The following IRAK1 variants were observed in gnomAD, a reference collection of about 807,000 sequenced individuals.
IRAK1 encodes the protein interleukin-1 receptor-associated kinase 1.
In IRAK1, 9 loss-of-function variants were observed where a neutral mutation model predicts 49.8. That is an observed-to-expected ratio of 0.18 (90% CI 0.11 to 0.32). IRAK1 has a LOEUF of 0.32. Ranked by LOEUF, IRAK1 falls within the 10% of genes least tolerant of loss-of-function variation. IRAK1 has a pLI of 1.00. For synonymous variants in IRAK1, 282 were observed against 270.8 expected (o/e 1.04, Z -0.41); for missense variants, 418 against 600.5 (o/e 0.70, Z 3.18).
chrX:154,012,080 C>T (rs1380306545), intron 13 of IRAK1, among the ~76,000 whole-genome samples, 163 bp from the exon 14 acceptor site: 1 of 112,736 alleles, frequency 8.9e-6, no homozygotes, highest in African/African-American at 3.2e-5. Context: ...CAGGGTCTAA[C>T]TGTCTCCCAG....
In IRAK1 at chrX:154,019,591, C is replaced by G; in HGVS notation, c.144G>C (p.Leu48=). 1 of 1,093,538 alleles carries G rather than the reference C, an allele frequency of 9.1e-7. No homozygotes were observed. Among genetic ancestry groups the G allele is most frequent in the South Asian group, 2.3e-5 (1 of 43,445 alleles). 90.1% of individuals were successfully genotyped at this position (1,093,538 alleles called of 1,213,427 possible). ...GCAGCTCGGTCTGGTCGCGCACGATCAGGGCGGCTGCGGGGCGGGGGGCGT... is the reference window on the plus strand; with the variant it reads ...GCAGCTCGGTCTGGTCGCGCACGATGAGGGCGGCTGCGGGGCGGGGGGCGT... ...EPADWCQFAA[L]IVRDQTELRL... The change falls in exon 2 of 14, where the codon CTG becomes CTC. Residue 48 remains leucine (L), a synonymous_variant. Coordinates refer to ENST00000369980, the MANE Select transcript of IRAK1 (RefSeq NM_001569.4).
Position 154,011,844 on chromosome X carries a change from G to C in IRAK1, c.*15C>G, listed in dbSNP as rs1557127575. 8.3e-7 allele frequency: 1 copy of C among 1,205,581 alleles called. No homozygotes were observed. The highest frequency in any genetic ancestry group is 2.2e-5 in the Admixed American group (1 of 46,131). Reference sequence around the variant, plus strand: ...TTTGACTTCCGGATTTGGGGGATCTGCCCAGGTGAACACATCAGCTCTGAA... The same window carrying C: ...TTTGACTTCCGGATTTGGGGGATCTCCCCAGGTGAACACATCAGCTCTGAA... On this transcript the variant is annotated 3_prime_UTR_variant, in exon 14 of 14. Coordinates refer to ENST00000369980, the MANE Select transcript of IRAK1 (RefSeq NM_001569.4).
At position 154,019,670 on chromosome X, in the gene IRAK1, C is replaced by T; in HGVS notation, c.136+7G>A. 1.3e-5 allele frequency: 13 copies of T among 971,732 alleles called. 1 individual carries two copies. The highest frequency in any genetic ancestry group is 1.7e-5 in the Non-Finnish European group (13 of 776,479). The allele number at this position is 971,732 out of a possible 1,213,427, so 80.1% of individuals were successfully genotyped here. ...CTCCCGCCCCCCGGCAGCCCGCCGC[C>T]ACCCACCGAACTGGCACCAGTCGGC... On this transcript the variant is annotated splice_region_variant and intron_variant, in intron 1 of 13. Coordinates refer to ENST00000369980, the MANE Select transcript of IRAK1 (RefSeq NM_001569.4).
chrX:154,017,036 T>C lies in IRAK1; in HGVS notation c.941A>G (p.Gln314Arg). The C allele has an allele frequency of 1.7e-6, 2 of 1,209,831 alleles. No homozygotes were observed. The highest frequency in any genetic ancestry group is 2.2e-6 in the Non-Finnish European group (2 of 893,627). The change falls in exon 8 of 14, where the codon CAG becomes CGG. Residue 314 changes from glutamine (Q) to arginine (R), a missense_variant. Coordinates refer to ENST00000369980, the MANE Select transcript of IRAK1 (RefSeq NM_001569.4). ...TQACPPLSWP[Q>R]RLDILLGTAR... ...TGTACCCAGAAGGATGTCCAGTCGCTGAGGCCAGGAGAGAGGTGGGCAGGC... is the reference window on the plus strand; with the variant it reads ...TGTACCCAGAAGGATGTCCAGTCGCCGAGGCCAGGAGAGAGGTGGGCAGGC...
At chrX:154,018,904 C>T in intron 4 of IRAK1, 71 bp downstream of exon 4, 1 of 965,387 alleles carries the variant, frequency 1.0e-6, no homozygotes, top group Non-Finnish European at 1.4e-6. Flanking sequence ...GACTGGGGCT[C>T]TGCGCTACAT....
rs782759071 is a variant in IRAK1 at position 154,012,545 on chromosome X, C to T, written c.2064G>A (p.Ser688=). 11 of 1,208,754 alleles carry T rather than the reference C, an allele frequency of 9.1e-6. No individual in the cohort carries two copies. Among genetic ancestry groups the T allele is most frequent in the African/African-American group, 7.0e-5 (4 of 57,543 alleles). ...CGGCAGCACCTGGGAGGGAGCTGGA[C>T]GACAGCAGCTGCAGGCTGTCCAGGG... The part of the protein sequence containing the change: ...DGALDSLQLL[S]SSSLPGLGLE... Residue 688 remains serine, a synonymous_variant, in exon 13 of 14, where the codon TCG becomes TCA. Transcript: ENST00000369980.
chrX:154,016,814 C>A, intron 8 of IRAK1, 135 bp downstream of exon 8: 1 of 620,323 alleles, frequency 1.6e-6, no homozygotes. Context: ...TAGGGCCCAT[C>A]CTTGGCCCGT....
At chrX:154,018,898 G>T in intron 4 of IRAK1, 77 bp downstream of exon 4, 1 of 928,622 alleles carries the variant, frequency 1.1e-6, no homozygotes, top group Non-Finnish European at 1.5e-6. Context: ...TTGGCTGACT[G>T]GGGCTCTGCG....
rs371156981 is a variant in IRAK1 at position 154,018,036 on chromosome X, G to A, written c.879C>T (p.Asn293=). 6 of 1,207,849 alleles carry A rather than the reference G, an allele frequency of 5.0e-6. No homozygotes were observed. In the African/African-American group the frequency reaches 5.2e-5, roughly 11 times the overall value. Residue 293 remains asparagine, a synonymous_variant, in exon 7 of 14, where the codon AAC becomes AAT. Transcript: ENST00000369980. ...FYCLVYGFLP[N]GSLEDRLHCQ... ...AGTGGAGACGGTCCTCCAGGGAGCC[G>A]TTGGGCAGGAAGCCGTACACCAGGC...
In IRAK1 at chrX:154,013,999, G is replaced by A. The variant is rs782361996; in HGVS notation, c.1539+43C>T. 19 of 1,182,651 alleles carry A rather than the reference G, an allele frequency of 1.6e-5. No individual in the cohort carries two copies. In the South Asian group the frequency reaches 3.2e-4, roughly 20 times the overall value. ...ACTACAGAGCAAGGCCTGGAATGCG[G>A]GCTTTCTATCTGGCCACCCCGTCCC... On this transcript the variant is annotated intron_variant, in intron 11 of 13. Coordinates refer to ENST00000369980, the MANE Select transcript of IRAK1 (RefSeq NM_001569.4).
At position 154,019,004 on chromosome X, in the gene IRAK1, G is replaced by A. The variant is rs1557130559; in HGVS notation, c.511C>T (p.Pro171Ser). 1.7e-6 allele frequency: 2 copies of A among 1,206,382 alleles called. No individual in the cohort carries two copies. The highest frequency in any genetic ancestry group is 1.8e-5 in the South Asian group (1 of 56,096). ...GTAGAAGAAGGGGCTGGAGATGGCGGTGGAGGCCACAGGGAAGCAGGGCTT... is the reference window on the plus strand; with the variant it reads ...GTAGAAGAAGGGGCTGGAGATGGCGATGGAGGCCACAGGGAAGCAGGGCTT... ...VPSPASLWPP[P>S]PSPAPSSTKP... Residue 171 changes from proline to serine, a missense_variant, in exon 4 of 14, where the codon CCG (proline) becomes TCG (serine). This residue lies in a region of IRAK1 where 377 missense variants were observed against 499.5 expected (regional missense o/e 0.75). Coordinates refer to ENST00000369980, the MANE Select transcript of IRAK1 (RefSeq NM_001569.4).
Position 154,018,733 on chromosome X carries a change from A to C in IRAK1, c.595T>G (p.Cys199Gly). ...CGGGAAATCTCACAGAGGGGCCAGC[A>C]AAACGGAAAGGGGCGGGCTCCCTGC... is the stretch of plus-strand genomic sequence containing the variant. ...LLQGARPFPF[C>G]WPLCEISRGT... The change falls in exon 5 of 14, where the codon TGC (cysteine) becomes GGC (glycine). Residue 199 changes from cysteine (C) to glycine (G), a missense_variant. Physicochemically the swap from Cys to Gly is radical, Grantham distance 159 (BLOSUM62 -3). Transcript: ENST00000369980. 9.5e-7 allele frequency: 1 copy of C among 1,047,986 alleles called. No homozygotes were observed. The highest frequency in any genetic ancestry group is 1.3e-6 in the Non-Finnish European group (1 of 746,498). The allele number at this position is 1,047,986 out of a possible 1,213,427, so 86.4% of individuals were successfully genotyped here.
chrX:154,014,138 C>T lies in IRAK1; in HGVS notation c.1443G>A (p.Arg481=), dbSNP rs990039952. ...CCAGCTCAGGTGGGCAGGGCCCGGG[C>T]CTGGGGTCCAGGTGCTTCTTGTAGA... ...MQIYKKHLDP[R]PGPCPPELGL... is the part of the protein sequence containing the mutation. Residue 481 remains arginine, a synonymous_variant, in exon 11 of 14, where the codon AGG becomes AGA. Coordinates refer to ENST00000369980, the MANE Select transcript of IRAK1 (RefSeq NM_001569.4). 30 of 1,206,555 alleles carry T rather than the reference C, an allele frequency of 2.5e-5. No homozygotes were observed. The highest frequency in any genetic ancestry group is 4.4e-5 in the Admixed American group (2 of 45,589).
rs782367305 is a variant in IRAK1 at position 154,011,769 on chromosome X, G to A, written c.*90C>T. ...GGCATGGGCCCCCACCCCCACTGCC[G>A]GCAGAGTGCTGAGGACTCGTGCACC... On this transcript the variant is annotated 3_prime_UTR_variant, in exon 14 of 14. Transcript: ENST00000369980. 20 of 943,693 alleles carry A rather than the reference G, an allele frequency of 2.1e-5. No individual in the cohort carries two copies. Among genetic ancestry groups the A allele is most frequent in the South Asian group, 1.6e-4 (8 of 51,445 alleles). 77.8% of individuals were successfully genotyped at this position (943,693 alleles called of 1,213,427 possible). A position where few individuals can be genotyped will look rare whatever the true frequency, so the allele number is the denominator to read the frequency against.
At chrX:154,011,953 G>A (rs1277511001) in intron 13 of IRAK1, 36 bp from the exon 14 acceptor site, 1 of 1,146,720 alleles carries the variant, frequency 8.7e-7, no homozygotes, top group Non-Finnish European at 1.2e-6. Context: ...TTAGCAAATG[G>A]GGGAGGCTCC....
rs2065691536 is a variant in IRAK1, at chrX:154,010,748, C to T, written c.*1111G>A. 4.2e-6 allele frequency: 1 copy of T among 237,731 alleles called. No individual in the cohort carries two copies. Among genetic ancestry groups the T allele is most frequent in the African/African-American group, 2.9e-5 (1 of 34,847 alleles). 19.6% of individuals were successfully genotyped at this position (237,731 alleles called of 1,213,427 possible). ...TTCCCTTCCCTGTCTGCCATGCTCC[C>T]AACTTTTCTGCCTTCCAGGGGCTTC... On this transcript the variant is annotated 3_prime_UTR_variant, in exon 14 of 14. Coordinates refer to ENST00000369980, the MANE Select transcript of IRAK1 (RefSeq NM_001569.4).
Position 154,010,947 on chromosome X carries a change from A to C in IRAK1, c.*912T>G, listed in dbSNP as rs2065693430. The C allele has an allele frequency of 5.9e-6, 2 of 340,753 alleles. No homozygotes were observed. Among genetic ancestry groups the C allele is most frequent in the Non-Finnish European group, 1.2e-5 (2 of 169,898 alleles). The allele number at this position is 340,753 out of a possible 1,213,427, so 28.1% of individuals were successfully genotyped here. A position where few individuals can be genotyped will look rare whatever the true frequency, so the allele number is the denominator to read the frequency against. On this transcript the variant is annotated 3_prime_UTR_variant, in exon 14 of 14. Coordinates refer to ENST00000369980, the MANE Select transcript of IRAK1 (RefSeq NM_001569.4). ...GGCTTGCAGGCCACCACATTAGGCCAGCTCGCAGGTCCCCAGTAAAGCCTG... is the reference window on the plus strand; with the variant it reads ...GGCTTGCAGGCCACCACATTAGGCCCGCTCGCAGGTCCCCAGTAAAGCCTG...
Position 154,019,183 on chromosome X carries a change from C to T in IRAK1, c.436+14G>A. On this transcript the variant is annotated intron_variant, in intron 3 of 13. Coordinates refer to ENST00000369980, the MANE Select transcript of IRAK1 (RefSeq NM_001569.4). Reference sequence around the variant, plus strand: ...TCTTTGGGTCCACCGAGCCTAACAACCGGGCCCTCTTACCTGGGGAGAGGA... The same window carrying T: ...TCTTTGGGTCCACCGAGCCTAACAATCGGGCCCTCTTACCTGGGGAGAGGA... The T allele has an allele frequency of 3.3e-6, 4 of 1,209,498 alleles. No homozygotes were observed. Among genetic ancestry groups the T allele is most frequent in the Non-Finnish European group, 3.4e-6 (3 of 894,840 alleles).
At position 154,016,324 on chromosome X, in the gene IRAK1, G is replaced by A. The variant is rs2065738453; in HGVS notation, c.1236+113C>T. On this transcript the variant is annotated intron_variant, in intron 9 of 13. Transcript: ENST00000369980. Reference sequence around the variant, plus strand: ...GAGGGAGGGGGACCCTGGAGCTGCAGCCTCCTGGGGTCTTGGCAGATGGCC... The same window carrying A: ...GAGGGAGGGGGACCCTGGAGCTGCAACCTCCTGGGGTCTTGGCAGATGGCC... 5.4e-6 allele frequency: 4 copies of A among 742,439 alleles called. No homozygotes were observed. In the Admixed American group the frequency reaches 1.0e-4, roughly 19 times the overall value. The allele number at this position is 742,439 out of a possible 1,213,427, so 61.2% of individuals were successfully genotyped here.
Sources: gnomAD v4.1 joint callset for allele counts (sites outside exome capture counted in the v4.1 genomes callset) on GRCh38, gnomAD v4.1.1 for gene constraint, gnomAD v4.1.1 regional missense constraint, MANE v1.5 for transcripts, NCBI Gene and HGNC (gene_info 2026-07-23, HGNC 2026-07-21) for gene names.